The following PCDHA6 variants were observed in gnomAD, a reference collection of about 807,000 sequenced individuals.
PCDHA6 encodes the protein protocadherin alpha 6, also known as protocadherin alpha-6.
PCDHA6 carries 55 observed loss-of-function variants against 60.3 expected under a neutral mutation model. That is an observed-to-expected ratio of 0.91 (90% CI 0.73 to 1.14). The LOEUF (loss-of-function observed/expected upper bound fraction) is 1.14. Ranked by LOEUF, PCDHA6 falls within the 50% of genes most tolerant of loss-of-function variation. The pLI is 0.00. For missense variants in PCDHA6, 1,327 were observed against 1,256.5 expected (o/e 1.06, Z -0.85); for synonymous variants, 652 against 557.9 (o/e 1.17, Z -2.38).
rs2041332150 is a variant in PCDHA6, at chr5:140,850,080, G to T, written c.2394+19595G>T. 56 of 1,596,464 alleles carry T rather than the reference G, an allele frequency of 3.5e-5. 4 individuals are homozygous for T. Among genetic ancestry groups the T allele is most frequent in the Non-Finnish European group, 4.6e-5 (54 of 1,167,848 alleles). ...GCAGCCGTTGGACCACGAGGAGCTG[G>T]AGCTGCTACAGTTCCAGGTGAGCGC... On this transcript the variant is annotated intron_variant, in intron 1 of 3. Coordinates refer to ENST00000529310, the MANE Select transcript of PCDHA6 (RefSeq NM_018909.4).
chr5:140,874,676 G>A (rs1487161384), intron 1 of PCDHA6, among the ~76,000 whole-genome samples: 4 of 152,136 alleles, frequency 2.6e-5, no homozygotes, highest in African/African-American at 9.7e-5. Context: ...CTATTCCTGA[G>A]ATTTGTTTTA....
At chr5:140,924,588 T>C (rs2081910916) in intron 1 of PCDHA6, among the ~76,000 whole-genome samples, 1 of 152,212 alleles carries the variant, frequency 6.6e-6, no homozygotes, top group East Asian at 1.9e-4. Context: ...TCAAATATTA[T>C]AGAAATATGC....
intron 1 of PCDHA6, among the ~76,000 whole-genome samples, chr5:140,833,147 A>G (rs1412458710): frequency 2.6e-5 from 4 of 152,210 alleles, no homozygotes; most frequent in South Asian, 4.1e-4. Flanking sequence ...GTGTGAAGCA[A>G]TACGAATAAA....
At chr5:141,004,919 T>A (rs144687292) in intron 3 of PCDHA6, among the ~76,000 whole-genome samples, 2 of 152,264 alleles carry the variant, frequency 1.3e-5, no homozygotes, top group East Asian at 3.9e-4. Flanking sequence ...GGAAAAGGGT[T>A]TGGAAGAGAG....
At chr5:140,854,178 A>G (rs2043021755) in intron 1 of PCDHA6, 4 of 531,272 alleles carry the variant, frequency 7.5e-6, no homozygotes, top group African/African-American at 2.1e-5. Flanking sequence ...AAAAAAAAAG[A>G]GTAGTTTAAC....
chr5:140,871,999 T>C (rs116431688), intron 1 of PCDHA6, among the ~76,000 whole-genome samples: 316 of 152,330 alleles, frequency 2.1e-3, no homozygotes, highest in African/African-American at 7.4e-3. Flanking sequence ...CAGTGGCTAT[T>C]TACAGGTGAC....
At chr5:140,922,791 T>A (rs1454046146) in intron 1 of PCDHA6, among the ~76,000 whole-genome samples, 1 of 152,078 alleles carries the variant, frequency 6.6e-6, no homozygotes, top group Non-Finnish European at 1.5e-5. Flanking sequence ...AAACTGTAGC[T>A]TTGGAATACA....
chr5:140,919,207 T>C (rs1554198972), intron 1 of PCDHA6, among the ~76,000 whole-genome samples: 1 of 152,222 alleles, frequency 6.6e-6, no homozygotes, highest in Non-Finnish European at 1.5e-5. Context: ...CATTATAAAA[T>C]GTCCTTCTTG....
chr5:140,829,207 T>C lies in PCDHA6; in HGVS notation c.1116T>C (p.Ile372=). 2 of 1,614,192 alleles carry C rather than the reference T, an allele frequency of 1.2e-6. No individual in the cohort carries two copies. The highest frequency in any genetic ancestry group is 1.7e-6 in the Non-Finnish European group (2 of 1,180,026). The change falls in exon 1 of 4, where the codon ATT becomes ATC. Residue 372 remains isoleucine (I), a synonymous_variant. Coordinates refer to ENST00000529310, the MANE Select transcript of PCDHA6 (RefSeq NM_018909.4). Reference sequence around the variant, plus strand: ...AATTTGGTACTGTCATCGCCCTAATTAGCGTGAACGACCTCGATTCAGGTG... The same window carrying C: ...AATTTGGTACTGTCATCGCCCTAATCAGCGTGAACGACCTCGATTCAGGTG... ...DAQFGTVIAL[I]SVNDLDSGAN...
intron 1 of PCDHA6, among the ~76,000 whole-genome samples, chr5:140,949,007 A>T (rs1300926078): frequency 6.6e-6 from 1 of 151,692 alleles, no homozygotes; most frequent in Non-Finnish European, 1.5e-5. Flanking sequence ...TAATTTTTAT[A>T]TGTGATGTTT....
At chr5:140,891,937 C>G (rs1168665111) in intron 1 of PCDHA6, among the ~76,000 whole-genome samples, 3 of 152,166 alleles carry the variant, frequency 2.0e-5, no homozygotes, top group Admixed American at 2.0e-4. Context: ...CTTGGACTTC[C>G]CCTAGGCTCC....
intron 3 of PCDHA6, among the ~76,000 whole-genome samples, chr5:140,993,715 G>A (rs954129865): frequency 2.0e-5 from 3 of 152,060 alleles, no homozygotes; most frequent in Non-Finnish European, 4.4e-5. Flanking sequence ...TATTTTTACT[G>A]TACCTTTTCT....
chr5:140,999,628 G>C (rs1169273057), intron 3 of PCDHA6, among the ~76,000 whole-genome samples: 2 of 152,182 alleles, frequency 1.3e-5, no homozygotes, highest in Admixed American at 1.3e-4. Context: ...AGGAAACAAG[G>C]TAGAGAAAAC....
Position 140,846,597 on chromosome 5 carries a change from A to C in PCDHA6, c.2394+16112A>C, listed in dbSNP as rs2150392674. 8.1e-5 allele frequency among the ~76,000 whole-genome samples: 12 copies of C among 148,550 alleles called. 1 individual carries two copies. The East Asian group carries it at 2.3e-3, about 29-fold the overall frequency. On this transcript the variant is annotated intron_variant, in intron 1 of 3. Coordinates refer to ENST00000529310, the MANE Select transcript of PCDHA6 (RefSeq NM_018909.4). ...CACCATGTTAGCCAGGATGGTCTCG[A>C]TCTCCTGACCTCCTGATCCGCCCAC...
At chr5:140,950,579 A>G (rs2094498747) in intron 1 of PCDHA6, among the ~76,000 whole-genome samples, 1 of 151,956 alleles carries the variant, frequency 6.6e-6, no homozygotes, top group African/African-American at 2.4e-5. Flanking sequence ...TTTTCTACTT[A>G]CCTTTGGTTT....
chr5:140,920,116 C>A (rs376109883), intron 1 of PCDHA6, among the ~76,000 whole-genome samples: 72 of 152,304 alleles, frequency 4.7e-4, no homozygotes, highest in African/African-American at 1.6e-3. Context: ...ACCTTGCCAA[C>A]ATCTTGAGTT....
At chr5:140,947,439 G>C (rs2094135272) in intron 1 of PCDHA6, among the ~76,000 whole-genome samples, 1 of 151,638 alleles carries the variant, frequency 6.6e-6, no homozygotes, top group African/African-American at 2.4e-5. Flanking sequence ...AAAATCAGCT[G>C]TGAAATCCTC....
At chr5:140,883,910 A>G in intron 1 of PCDHA6, 4 of 1,613,424 alleles carry the variant, frequency 2.5e-6, no homozygotes, top group Non-Finnish European at 3.4e-6. Context: ...TCTGGGCAGC[A>G]ACGTGACGCT....
chr5:140,845,311 A>G (rs1384736573), intron 1 of PCDHA6, among the ~76,000 whole-genome samples: 1 of 149,364 alleles, frequency 6.7e-6, no homozygotes, highest in Non-Finnish European at 1.5e-5. Flanking sequence ...CCTGGTTCTC[A>G]GGTATTACTT....
Sources: allele counts gnomAD v4.1 joint callset (sites outside exome capture counted in the v4.1 genomes callset), GRCh38; gene constraint gnomAD v4.1.1; transcripts MANE v1.5; gene names NCBI Gene and HGNC (gene_info 2026-07-23, HGNC 2026-07-21).